EPG5: variants seen among roughly 807,000 people sequenced by gnomAD.
EPG5 encodes ectopic P granules protein 5 homolog.
EPG5 carries 159 observed loss-of-function variants against 302.7 expected under a neutral mutation model. The observed-to-expected ratio is 0.53, with a 90% confidence interval of 0.46 to 0.60. The LOEUF (loss-of-function observed/expected upper bound fraction) is 0.60, where lower values mean the gene tolerates loss of function less well. Ranked by LOEUF, EPG5 falls within the 20% of genes least tolerant of loss-of-function variation. The pLI, the probability that EPG5 is intolerant of heterozygous loss-of-function variation, is 0.00. For synonymous variants in EPG5, 1,158 were observed against 1,136.8 expected, an observed-to-expected ratio of 1.02 and a Z score of -0.37; for missense variants, 2,896 against 3,092.4, an observed-to-expected ratio of 0.94 and a Z score of 1.51.
At chr18:45,909,135 C>T (rs1203277041) in intron 23 of EPG5, among the ~76,000 whole-genome samples, 1 of 152,140 alleles carries the variant, frequency 6.6e-6, no homozygotes, top group African/African-American at 2.4e-5. Context: ...AAAATTACCT[C>T]CTTTACCTCT....
chr18:45,881,295 T>C (rs1467359301), intron 31 of EPG5, among the ~76,000 whole-genome samples: 1 of 152,240 alleles, frequency 6.6e-6, no homozygotes, highest in Non-Finnish European at 1.5e-5. Context: ...ACACACTATT[T>C]GAAACTTTAA....
Position 45,948,562 on chromosome 18 carries a change from A to G in EPG5, c.1512T>C (p.His504=). The G allele has an allele frequency of 6.2e-7, 1 of 1,613,708 alleles. No individual in the cohort carries two copies. The highest frequency in any genetic ancestry group is 8.5e-7 in the Non-Finnish European group (1 of 1,179,680). Residue 504 remains histidine (H), a synonymous_variant, in exon 6 of 44, where the codon CAT becomes CAC. Transcript: ENST00000282041. The part of the protein sequence containing the change: ...AVPFIQIKVL[H]NPSGVFHFMQ... Reference sequence around the variant, plus strand: ...TAAAATGAAAGACCCCTGATGGGTTATGCAACACTTTGATCTGAAATCAGA... The same window carrying G: ...TAAAATGAAAGACCCCTGATGGGTTGTGCAACACTTTGATCTGAAATCAGA...
At chr18:45,910,843 G>T (rs551981360) in intron 22 of EPG5, 101 bp from the exon 23 acceptor site, 112 of 828,664 alleles carry the variant, frequency 1.4e-4, no homozygotes, top group Non-Finnish European at 1.9e-4. Flanking sequence ...TACTGTGATT[G>T]TGGATATACA....
At chr18:45,942,628 G>A (rs1258715953) in intron 9 of EPG5, among the ~76,000 whole-genome samples, 1 of 151,998 alleles carries the variant, frequency 6.6e-6, no homozygotes, top group Middle Eastern at 3.2e-3. Flanking sequence ...TAAAATAAAT[G>A]AATTAAAAGT....
At chr18:45,828,565 T>C in the EPG5 span, among the ~76,000 whole-genome samples, 25 of 152,286 alleles carry the variant, frequency 1.6e-4, no homozygotes, top group Middle Eastern at 3.4e-3. Flanking sequence ...ACCACTGTCA[T>C]CTTCAGAACC....
rs2050591141 is a variant in EPG5 at position 45,938,635 on chromosome 18, C to T, written c.2099+965G>A. ...ACCACACAAGAAAAACCCCCACTTACATTTGAAAAGTCCTTTATGGTTTAA... is the reference window on the plus strand; with the variant it reads ...ACCACACAAGAAAAACCCCCACTTATATTTGAAAAGTCCTTTATGGTTTAA... On this transcript the variant is annotated intron_variant, in intron 10 of 43. Transcript: ENST00000282041. 2.0e-5 allele frequency among the ~76,000 whole-genome samples: 3 copies of T among 152,254 alleles called. No homozygotes were observed. The South Asian group carries it at 6.2e-4, about 32-fold the overall frequency.
chr18:45,837,050 T>C, the EPG5 span: 4 of 1,540,724 alleles, frequency 2.6e-6, no homozygotes, highest in South Asian at 1.1e-5. Flanking sequence ...AGAACTAAAA[T>C]AGATACTACG....
Position 45,913,703 on chromosome 18 carries a change from T to C in EPG5, c.3816+3A>G, listed in dbSNP as rs1163874387. On this transcript the variant is annotated splice_donor_region_variant and intron_variant, in intron 21 of 43. Transcript: ENST00000282041. ...CACTCAAATGCAGAACTGCTATTTG[T>C]ACCTTCAGAGCTTGGTCAGGGGTGA... is the stretch of plus-strand genomic sequence containing the variant. 6.8e-6 allele frequency: 11 copies of C among 1,613,892 alleles called. No homozygotes were observed. Among genetic ancestry groups the C allele is most frequent in the Non-Finnish European group, 9.3e-6 (11 of 1,179,934 alleles).
At chr18:45,879,965 A>G in intron 32 of EPG5, 110 bp downstream of exon 32, 1 of 1,269,370 alleles carries the variant, frequency 7.9e-7, no homozygotes. Flanking sequence ...CACAAAGAAA[A>G]ACACATGGCT....
At chr18:45,827,978 A>G in the EPG5 span, among the ~76,000 whole-genome samples, 1 of 152,230 alleles carries the variant, frequency 6.6e-6, no homozygotes, top group African/African-American at 2.4e-5. Context: ...AGCTGCAGAA[A>G]GTCATTTTCT....
chr18:45,860,616 A>G (rs553994175), intron 39 of EPG5, among the ~76,000 whole-genome samples: 39 of 152,334 alleles, frequency 2.6e-4, no homozygotes, highest in Admixed American at 5.9e-4. Flanking sequence ...AAATAGACAA[A>G]TCTGAAGCTG....
the EPG5 span, chr18:45,837,980 G>A: frequency 7.2e-7 from 1 of 1,380,500 alleles, no homozygotes; most frequent in Non-Finnish European, 9.3e-7. Flanking sequence ...GGTGCCAGGC[G>A]CTGTGCTGAG....
chr18:45,946,655 C>A lies in EPG5; in HGVS notation c.1677+8G>T, dbSNP rs2050788851. ...ATTCATCAAAATAATGCAGATATGA[C>A]AAGTTACCTCTTCTCCTCCTTCGTC... On this transcript the variant is annotated splice_region_variant and intron_variant, in intron 7 of 43. Transcript: ENST00000282041. The A allele has an allele frequency of 1.2e-6, 2 of 1,605,250 alleles. No individual in the cohort carries two copies. Among genetic ancestry groups the A allele is most frequent in the Middle Eastern group, 1.7e-4 (1 of 5,716 alleles).
the EPG5 span, among the ~76,000 whole-genome samples, chr18:45,841,462 G>T: frequency 6.6e-6 from 1 of 152,164 alleles, no homozygotes; most frequent in Non-Finnish European, 1.5e-5. Context: ...TCACTGAATG[G>T]TTTTAAGCGG....
the EPG5 span, among the ~76,000 whole-genome samples, chr18:45,804,161 A>T: frequency 5.9e-5 from 9 of 152,342 alleles, no homozygotes; most frequent in South Asian, 1.9e-3. Context: ...ATCTAATTTT[A>T]AAAAATTAAC....
At chr18:45,816,738 C>T in the EPG5 span, among the ~76,000 whole-genome samples, 7 of 152,162 alleles carry the variant, frequency 4.6e-5, no homozygotes, top group African/African-American at 1.7e-4. Flanking sequence ...AGTAGAACAA[C>T]CAATTGAGCT....
intron 23 of EPG5, among the ~76,000 whole-genome samples, chr18:45,909,945 TG>T (rs2049852476): frequency 6.6e-6 from 1 of 152,192 alleles, no homozygotes; most frequent in Non-Finnish European, 1.5e-5. Context: ...CATTCCAGCC[TG>T]GGCAACATAG....
At chr18:45,900,580 CT>C (rs2049591580) in intron 26 of EPG5, among the ~76,000 whole-genome samples, 1 of 152,116 alleles carries the variant, frequency 6.6e-6, no homozygotes, top group Non-Finnish European at 1.5e-5. Flanking sequence ...AAAACAATGA[CT>C]TTTCCACACT....
rs1331972294 is a variant in EPG5, at chr18:45,922,383, A to G, written c.3056T>C (p.Ile1019Thr). The G allele has an allele frequency of 2.5e-6, 4 of 1,614,218 alleles. No individual in the cohort carries two copies. Among genetic ancestry groups the G allele is most frequent in the Non-Finnish European group, 2.5e-6 (3 of 1,180,042 alleles). Residue 1019 changes from isoleucine (I) to threonine (T), a missense_variant, in exon 16 of 44, where the codon ATT becomes ACT. Ile to Thr is a moderately conservative substitution (Grantham distance 89). Transcript: ENST00000282041. ...LLKAVKAGMP[I>T]GCYLALSMTA... ...CATAGATAAGGCTAGATAACAGCCA[A>G]TGGGCATGCCCGCTTTCACAGCCTT...
Sources: gnomAD v4.1 joint callset for allele counts (sites outside exome capture counted in the v4.1 genomes callset) on GRCh38, gnomAD v4.1.1 for gene constraint, MANE v1.5 for transcripts, NCBI Gene and HGNC (gene_info 2026-07-23, HGNC 2026-07-21) for gene names.